SZT2: variants seen among roughly 807,000 people sequenced by gnomAD.
The protein encoded by SZT2 is SZT2 subunit of KICSTOR complex, also known as KICSTOR complex protein SZT2.
Under a neutral mutation model 404.2 loss-of-function variants are expected in SZT2, and 216 were observed. The ratio of observed to expected loss-of-function variants is 0.53; its 90% confidence interval spans 0.48 to 0.60. The LOEUF (loss-of-function observed/expected upper bound fraction) is 0.60, where lower values mean the gene tolerates loss of function less well. SZT2 is among the 20% of genes least tolerant of loss of function. SZT2 has a pLI of 0.00. For synonymous variants in SZT2, 1,693 were observed against 1,749.9 expected (o/e 0.97, Z 0.81); for missense variants, 3,857 against 4,459.2 (o/e 0.86, Z 3.85).
chr1:43,397,099 A>G (rs929927993), intron 1 of SZT2, among the ~76,000 whole-genome samples: 8 of 152,208 alleles, frequency 5.3e-5, no homozygotes, highest in African/African-American at 1.7e-4. Flanking sequence ...AACACTTAGT[A>G]TGTCTTGGCA....
At position 43,443,669 on chromosome 1, in the gene SZT2, C is replaced by T. The variant is rs747053294; in HGVS notation, c.8698C>T (p.Pro2900Ser). 3.1e-6 allele frequency: 5 copies of T among 1,614,160 alleles called. No homozygotes were observed. The highest frequency in any genetic ancestry group is 2.2e-5 in the South Asian group (2 of 91,088). ...PTSCESLDVSPPGAREEPWLK... is the reference protein window; with the variant it reads ...PTSCESLDVSSPGAREEPWLK... ...AAGCTGTGAATCCTTGGATGTGTCG[C>T]CCCCGGGAGCCCGTGAGGAGCCTTG... Residue 2900 changes from proline to serine, a missense_variant, in exon 62 of 72, where the codon CCC (proline) becomes TCC (serine). Pro to Ser is a moderately conservative substitution (Grantham distance 74). Transcript: ENST00000634258.
At chr1:43,440,612 C>T in intron 52 of SZT2, 26 bp downstream of exon 52, 1 of 1,545,136 alleles carries the variant, frequency 6.5e-7, no homozygotes. Flanking sequence ...GTGAAGTGGG[C>T]ATCTACCTTT....
At chr1:43,408,399 A>G (rs1415210117) in intron 4 of SZT2, among the ~76,000 whole-genome samples, 1 of 152,068 alleles carries the variant, frequency 6.6e-6, no homozygotes, top group Non-Finnish European at 1.5e-5. Context: ...AGTAGCTAGG[A>G]CTACAGGTGC....
At position 43,439,418 on chromosome 1, in the gene SZT2, G is replaced by A; in HGVS notation, c.6853G>A (p.Gly2285Ser). Residue 2285 changes from glycine to serine, a missense_variant, in exon 49 of 72, where the codon GGT (glycine) becomes AGT (serine). Physicochemically the swap from Gly to Ser is moderately conservative, Grantham distance 56. Coordinates refer to ENST00000634258, the MANE Select transcript of SZT2 (RefSeq NM_001365999.1). This position sits in a 1 kb window ranked among gnomAD's most constrained non-coding sequence, Gnocchi z 4.2. ...GGACATCTACTTGTATAACAAGCCT[G>A]GTGGACAGGGCACTGGGGGCAAAGG... The part of the protein sequence containing the change: ...DLDIYLYNKP[G>S]GQGTGGKGVA... 3 of 1,612,834 alleles carry A rather than the reference G, an allele frequency of 1.9e-6. No individual in the cohort carries two copies. Among genetic ancestry groups the A allele is most frequent in the South Asian group, 2.2e-5 (2 of 90,800 alleles).
chr1:43,399,839 G>T (rs1649472431), intron 1 of SZT2, among the ~76,000 whole-genome samples: 1 of 152,090 alleles, frequency 6.6e-6, no homozygotes. Context: ...CTCACTCAAA[G>T]GATGAATCCA....
Position 43,450,596 on chromosome 1 carries a change from G to A in SZT2, c.*116G>A. 2 of 1,448,062 alleles carry A rather than the reference G, an allele frequency of 1.4e-6. No homozygotes were observed. The highest frequency in any genetic ancestry group is 1.8e-4 in the Middle Eastern group (1 of 5,588). The allele number at this position is 1,448,062 out of a possible 1,614,324, so 89.7% of individuals were successfully genotyped here. On this transcript the variant is annotated 3_prime_UTR_variant, in exon 72 of 72. Coordinates refer to ENST00000634258, the MANE Select transcript of SZT2 (RefSeq NM_001365999.1). The surrounding 1 kb of genome is among the most constrained non-coding windows in gnomAD (Gnocchi z 4.3). ...GGCCCCAGGGCAAGCCAGACACTGAGTGACACCAAAGGCTTTGTAACTATG... is the reference window on the plus strand; with the variant it reads ...GGCCCCAGGGCAAGCCAGACACTGAATGACACCAAAGGCTTTGTAACTATG...
rs779987144 is a variant in SZT2, at chr1:43,425,471, T to C, written c.2646-3T>C. The C allele has an allele frequency of 5.6e-6, 9 of 1,614,100 alleles. No homozygotes were observed. The South Asian group carries it at 9.9e-5, about 18-fold the overall frequency. The stretch of plus-strand genomic sequence containing the variant: ...ATTGGACTCAGAGCCCTTCCTCCTT[T>C]AGCTTCTCGACAGATGATGACAATG... On this transcript the variant is annotated splice_region_variant and splice_polypyrimidine_tract_variant and intron_variant, in intron 18 of 71. Transcript: ENST00000634258. This position sits in a 1 kb window ranked among gnomAD's most constrained non-coding sequence, Gnocchi z 4.3.
rs149098583 is a variant in SZT2 at position 43,394,054 on chromosome 1, A to G, written c.27+4059A>G. On this transcript the variant is annotated intron_variant, in intron 1 of 71. Coordinates refer to ENST00000634258, the MANE Select transcript of SZT2 (RefSeq NM_001365999.1). ...TCCTTGCCAGACTACTCTGAGAGTA[A>G]TGAACTTCAGACTCAAGGAGGATTC... 1.5e-3 allele frequency: 1,464 copies of G among 984,592 alleles called. 17 individuals are homozygous for G. In the African/African-American group the frequency reaches 0.022, roughly 15 times the overall value. The allele number at this position is 984,592 out of a possible 1,614,324, so 61.0% of individuals were successfully genotyped here.
Position 43,420,373 on chromosome 1 carries a change from G to C in SZT2, c.1261+50G>C. 6.7e-7 allele frequency: 1 copy of C among 1,498,062 alleles called. No individual in the cohort carries two copies. Among genetic ancestry groups the C allele is most frequent in the Non-Finnish European group, 8.9e-7 (1 of 1,125,960 alleles). The allele number at this position is 1,498,062 out of a possible 1,614,324, so 92.8% of individuals were successfully genotyped here. On this transcript the variant is annotated intron_variant, in intron 9 of 71. Coordinates refer to ENST00000634258, the MANE Select transcript of SZT2 (RefSeq NM_001365999.1). This position sits in a 1 kb window ranked among gnomAD's most constrained non-coding sequence, Gnocchi z 5.1. Reference sequence around the variant, plus strand: ...AATCCCATAGATCTCTCAAGAATTTGTGTGTGGGAAGACCCACATGTATCA... The same window carrying C: ...AATCCCATAGATCTCTCAAGAATTTCTGTGTGGGAAGACCCACATGTATCA...
Position 43,393,998 on chromosome 1 carries a change from A to C in SZT2, c.27+4003A>C, listed in dbSNP as rs962133873. 5.3e-6 allele frequency: 4 copies of C among 752,338 alleles called. No homozygotes were observed. In the African/African-American group the frequency reaches 7.6e-5, roughly 14 times the overall value. 46.6% of individuals were successfully genotyped at this position (752,338 alleles called of 1,614,324 possible). A position where few individuals can be genotyped will look rare whatever the true frequency, so the allele number is the denominator to read the frequency against. The stretch of plus-strand genomic sequence containing the variant: ...AAATGATAGAATCAGATTTGAATCC[A>C]GGTCCCTGACCCCGAAACTCTACTT... On this transcript the variant is annotated intron_variant, in intron 1 of 71. Transcript: ENST00000634258.
In SZT2 at chr1:43,436,114, C is replaced by T. The variant is rs117787579; in HGVS notation, c.6034+785C>T. 6 of 152,318 alleles carry T rather than the reference C, an allele frequency of 3.9e-5. No individual in the cohort carries two copies. The East Asian group carries it at 9.6e-4, about 24-fold the overall frequency. The allele number at this position is 152,318 out of a possible 1,614,324, so 9.4% of individuals were successfully genotyped here. A position where few individuals can be genotyped will look rare whatever the true frequency, so the allele number is the denominator to read the frequency against. On this transcript the variant is annotated intron_variant, in intron 42 of 71. Coordinates refer to ENST00000634258, the MANE Select transcript of SZT2 (RefSeq NM_001365999.1). ...CTCGACACTTCTCCCTTCTCTTACT[C>T]CTGATGACCTCTCACCCAGACGGAT... is the stretch of plus-strand genomic sequence containing the variant.
At position 43,437,812 on chromosome 1, in the gene SZT2, A is replaced by T. The variant is rs778529188; in HGVS notation, c.6418A>T (p.Met2140Leu). The change falls in exon 46 of 72, where the codon ATG (methionine) becomes TTG (leucine). Residue 2140 changes from methionine (M) to leucine (L), a missense_variant. This residue lies in a region of SZT2 where 261 missense variants were observed against 372.9 expected (regional missense o/e 0.70). Coordinates refer to ENST00000634258, the MANE Select transcript of SZT2 (RefSeq NM_001365999.1). The surrounding 1 kb of genome is among the most constrained non-coding windows in gnomAD (Gnocchi z 5.3). ...GTAGGGTCCTCGTTCTCCCTTAGAC[A>T]TGGTCTCTAGCCGCAGTTCAGATGC... is the stretch of plus-strand genomic sequence containing the variant. ...EASGPRSPLD[M>L]VSSRSSDAAR... The T allele has an allele frequency of 6.2e-7, 1 of 1,614,062 alleles. No homozygotes were observed. Among genetic ancestry groups the T allele is most frequent in the Admixed American group, 1.7e-5 (1 of 60,002 alleles).
At chr1:43,427,867 C>A in intron 26 of SZT2, 133 bp downstream of exon 26, 1 of 1,343,452 alleles carries the variant, frequency 7.4e-7, no homozygotes, top group Non-Finnish European at 1.0e-6. Flanking sequence ...TTTCCCTCAG[C>A]AAACCCTTGA....
rs144155858 is a variant in SZT2, at chr1:43,393,413, C to G, written c.27+3418C>G. Among the ~76,000 whole-genome samples the G allele has an allele frequency of 7.9e-5, 12 of 152,284 alleles. No individual in the cohort carries two copies. In the East Asian group the frequency reaches 1.7e-3, roughly 22 times the overall value. ...TAACTGAGGCATAGAGAGTGTAAGT[C>G]TCTGCCAAAACTATATAGTTAATAA... On this transcript the variant is annotated intron_variant, in intron 1 of 71. Transcript: ENST00000634258.
In SZT2 at chr1:43,448,596, G is replaced by A; in HGVS notation, c.9970-16G>A. 2.5e-6 allele frequency: 4 copies of A among 1,614,146 alleles called. No homozygotes were observed. Among genetic ancestry groups the A allele is most frequent in the Admixed American group, 1.7e-5 (1 of 60,018 alleles). ...TGACTGGCACAGAAGACTCAGGCCT[G>A]TGGCTCCTCCCTCAGGACTGCTTCC... On this transcript the variant is annotated splice_polypyrimidine_tract_variant and intron_variant, in intron 69 of 71. Transcript: ENST00000634258. The surrounding 1 kb of genome is among the most constrained non-coding windows in gnomAD (Gnocchi z 4.2).
chr1:43,428,140 G>A (rs757362589), intron 27 of SZT2, 22 bp downstream of exon 27: 3 of 1,612,210 alleles, frequency 1.9e-6, no homozygotes, highest in Non-Finnish European at 2.5e-6. Context: ...GGCCGTGGGA[G>A]GGAGGAGTGG....
At position 43,448,911 on chromosome 1, in the gene SZT2, G is replaced by A; in HGVS notation, c.10086+183G>A. The stretch of plus-strand genomic sequence containing the variant: ...ATCGAGCTACAGCATGTGATTCTCT[G>A]AGCAGCTCTGCCCTCAAAGACTCAC... On this transcript the variant is annotated intron_variant, in intron 70 of 71. Transcript: ENST00000634258. The surrounding 1 kb of genome is among the most constrained non-coding windows in gnomAD (Gnocchi z 4.2). The A allele has an allele frequency of 1.6e-6, 1 of 629,620 alleles. No individual in the cohort carries two copies. Among genetic ancestry groups the A allele is most frequent in the South Asian group, 1.9e-5 (1 of 53,464 alleles). 39.0% of individuals were successfully genotyped at this position (629,620 alleles called of 1,614,324 possible).
chr1:43,425,426 T>G lies in SZT2; in HGVS notation c.2646-48T>G. 1 of 1,609,168 alleles carries G rather than the reference T, an allele frequency of 6.2e-7. No individual in the cohort carries two copies. Among genetic ancestry groups the G allele is most frequent in the Non-Finnish European group, 8.5e-7 (1 of 1,176,864 alleles). ...GCCTCCTTCCCTCCATGAGGTTCACTCCCTGCCATGAGGCTGTGCATTGGA... is the reference window on the plus strand; with the variant it reads ...GCCTCCTTCCCTCCATGAGGTTCACGCCCTGCCATGAGGCTGTGCATTGGA... On this transcript the variant is annotated intron_variant, in intron 18 of 71. Transcript: ENST00000634258. This position sits in a 1 kb window ranked among gnomAD's most constrained non-coding sequence, Gnocchi z 4.3.
At chr1:43,408,727 A>T (rs1390385534) in intron 4 of SZT2, among the ~76,000 whole-genome samples, 1 of 152,186 alleles carries the variant, frequency 6.6e-6, no homozygotes, top group East Asian at 1.9e-4. Flanking sequence ...GAGTTGTCTC[A>T]GTTTTCATTA....
Sources: allele counts gnomAD v4.1 joint callset (sites outside exome capture counted in the v4.1 genomes callset), GRCh38; gene constraint gnomAD v4.1.1; regional missense constraint gnomAD v4.1.1; non-coding constraint Gnocchi (gnomAD v3.1); transcripts MANE v1.5; gene names NCBI Gene and HGNC (gene_info 2026-07-23, HGNC 2026-07-21).